Variants in PKNOX2 observed in about 807,000 individuals in gnomAD.
The protein encoded by PKNOX2 is homeobox protein PKNOX2.
PKNOX2 carries 14 observed loss-of-function variants against 53.1 expected under a neutral mutation model. The ratio of observed to expected loss-of-function variants is 0.26; its 90% CI spans 0.17 to 0.41. The LOEUF is 0.41. PKNOX2 is among the 10% of genes least tolerant of loss of function. PKNOX2 has a pLI of 1.00. For missense variants in PKNOX2, 496 were observed against 602.8 expected (o/e 0.82, Z 1.85); for synonymous variants, 257 against 242.8 (o/e 1.06, Z -0.54).
chr11:125,398,863 G>A (rs1954569937), intron 7 of PKNOX2, among the ~76,000 whole-genome samples: 1 of 152,364 alleles, frequency 6.6e-6, no homozygotes, highest in Middle Eastern at 3.4e-3. Context: ...GACACCTGGA[G>A]GGTCCCCAAG....
At chr11:125,180,264 G>A (rs373862257) in intron 1 of PKNOX2, among the ~76,000 whole-genome samples, 26 of 151,716 alleles carry the variant, frequency 1.7e-4, no homozygotes, top group East Asian at 3.9e-4. Flanking sequence ...CTCCCTTTCC[G>A]TCTTTATTTT....
intron 6 of PKNOX2, 96 bp downstream of exon 6, chr11:125,385,818 C>T (rs530384200): frequency 1.6e-5 from 23 of 1,451,290 alleles, no homozygotes; most frequent in East Asian, 7.7e-5. Flanking sequence ...AATTTACCAA[C>T]AAAAGGTTTT....
chr11:125,394,400 C>T (rs1386652939), intron 6 of PKNOX2, among the ~76,000 whole-genome samples: 1 of 152,136 alleles, frequency 6.6e-6, no homozygotes, highest in Non-Finnish European at 1.5e-5. Flanking sequence ...GTGACTGAGC[C>T]CTGCATGACG....
chr11:125,362,859 G>A (rs1036267253), intron 4 of PKNOX2, among the ~76,000 whole-genome samples: 1 of 152,110 alleles, frequency 6.6e-6, no homozygotes, highest in South Asian at 2.1e-4. Context: ...TGAGTAGAAG[G>A]CCAGACTGCC....
intron 2 of PKNOX2, among the ~76,000 whole-genome samples, chr11:125,273,198 A>G (rs779876652): frequency 6.6e-6 from 1 of 152,208 alleles, no homozygotes; most frequent in Admixed American, 6.5e-5. Context: ...TTTGCAGCCC[A>G]CTGTGCTTCT....
intron 7 of PKNOX2, among the ~76,000 whole-genome samples, chr11:125,404,725 A>G (rs1476052356): frequency 6.6e-6 from 1 of 152,170 alleles, no homozygotes; most frequent in African/African-American, 2.4e-5. Flanking sequence ...CATGCACTTA[A>G]CATTGCGCTA....
intron 1 of PKNOX2, among the ~76,000 whole-genome samples, chr11:125,224,025 G>A (rs1051080328): frequency 1.3e-5 from 2 of 152,354 alleles, no homozygotes; most frequent in East Asian, 1.9e-4. Flanking sequence ...AGAAGGCAGC[G>A]GCTGCTGCGG....
intron 2 of PKNOX2, among the ~76,000 whole-genome samples, chr11:125,241,831 G>A (rs1326850328): frequency 6.6e-5 from 10 of 152,098 alleles, no homozygotes; most frequent in Non-Finnish European, 1.5e-4. Flanking sequence ...CTCCAGCCTG[G>A]GTGACAGAGC....
intron 2 of PKNOX2, among the ~76,000 whole-genome samples, chr11:125,310,589 T>C (rs1470737282): frequency 6.6e-6 from 1 of 152,198 alleles, no homozygotes; most frequent in Admixed American, 6.5e-5. Context: ...TTACATAGCT[T>C]CCAGAACCCT....
chr11:125,265,445 C>T (rs1317066224), intron 2 of PKNOX2, among the ~76,000 whole-genome samples: 5 of 152,204 alleles, frequency 3.3e-5, no homozygotes, highest in Non-Finnish European at 4.4e-5. Flanking sequence ...CTTCTCTCTC[C>T]GAGGTTCCTC....
intron 5 of PKNOX2, among the ~76,000 whole-genome samples, chr11:125,375,795 C>T (rs1483195706): frequency 6.6e-6 from 1 of 152,164 alleles, no homozygotes; most frequent in Admixed American, 6.5e-5. Context: ...AATCACTGAT[C>T]GCCTTTCACT....
At chr11:125,404,891 C>T (rs1452003593) in intron 7 of PKNOX2, among the ~76,000 whole-genome samples, 2 of 152,196 alleles carry the variant, frequency 1.3e-5, no homozygotes, top group Admixed American at 6.5e-5. Context: ...GGACGGGCCG[C>T]GGCTGTGCCC....
intron 5 of PKNOX2, among the ~76,000 whole-genome samples, chr11:125,377,825 C>T (rs1036808245): frequency 1.3e-5 from 2 of 152,192 alleles, no homozygotes; most frequent in Non-Finnish European, 2.9e-5. Context: ...AGAAAGTTTA[C>T]GAATTTGCGT....
At chr11:125,368,113 G>T (rs999049649) in intron 5 of PKNOX2, 128 bp downstream of exon 5, 7 of 1,195,836 alleles carry the variant, frequency 5.9e-6, no homozygotes, top group Non-Finnish European at 7.9e-6. Flanking sequence ...TTCTCCCTTG[G>T]CCTCCTTCCC....
At chr11:125,245,071 G>A (rs748439644) in intron 2 of PKNOX2, among the ~76,000 whole-genome samples, 8 of 152,156 alleles carry the variant, frequency 5.3e-5, no homozygotes, top group Admixed American at 2.0e-4. Flanking sequence ...TTAAAAAAGT[G>A]TATCAAGTGA....
chr11:125,411,501 T>G (rs111425911), intron 9 of PKNOX2: 2 of 451,412 alleles, frequency 4.4e-6, no homozygotes, highest in East Asian at 8.4e-5. Context: ...TCTCTCTCTC[T>G]CTCTCTCTCC....
intron 1 of PKNOX2, among the ~76,000 whole-genome samples, chr11:125,230,591 A>G (rs1219345815): frequency 6.6e-6 from 1 of 152,208 alleles, no homozygotes; most frequent in Non-Finnish European, 1.5e-5. Context: ...GAGCATCCAG[A>G]GAGACTCTTA....
chr11:125,371,560 G>A (rs780506340), intron 5 of PKNOX2, among the ~76,000 whole-genome samples: 9 of 152,070 alleles, frequency 5.9e-5, no homozygotes, highest in African/African-American at 1.2e-4. Context: ...AGTCTCCTTC[G>A]TTCCCCTTTG....
chr11:125,398,135 AG>A (rs1421752057), intron 7 of PKNOX2, 73 bp downstream of exon 7: 3 of 1,476,994 alleles, frequency 2.0e-6, no homozygotes, highest in Non-Finnish European at 2.7e-6. Flanking sequence ...GCGTGGAGGA[AG>A]GTCCCCTGGT....
Sources: gnomAD v4.1 joint callset for allele counts (sites outside exome capture counted in the v4.1 genomes callset) on GRCh38, gnomAD v4.1.1 for gene constraint, MANE v1.5 for transcripts, NCBI Gene and HGNC (gene_info 2026-07-23, HGNC 2026-07-21) for gene names.